The following MTURN variants were observed in gnomAD, a reference collection of about 807,000 sequenced individuals.
The protein encoded by MTURN is maturin, neural progenitor differentiation regulator homolog.
Under a neutral mutation model 14.9 loss-of-function variants are expected in MTURN, and 7 were observed. The observed-to-expected ratio is 0.47, with a 90% CI of 0.27 to 0.88. The LOEUF (loss-of-function observed/expected upper bound fraction) is 0.88. Ranked by LOEUF, MTURN falls within the 40% of genes least tolerant of loss-of-function variation. The pLI is 0.14. For missense variants in MTURN, 151 were observed against 174.1 expected, an observed-to-expected ratio of 0.87 and a Z score of 0.75; for synonymous variants, 69 against 72.5, an observed-to-expected ratio of 0.95 and a Z score of 0.25.
intron 1 of MTURN, chr7:30,137,132 GA>G (rs1299779028): frequency 6.4e-6 from 1 of 155,128 alleles, no homozygotes; most frequent in Non-Finnish European, 1.4e-5. Context: ...AAGCCCCCAG[GA>G]TACAGTGGAA....
chr7:30,153,038 T>C (rs1256315035), intron 2 of MTURN, among the ~76,000 whole-genome samples: 1 of 152,122 alleles, frequency 6.6e-6, no homozygotes, highest in Non-Finnish European at 1.5e-5. Context: ...TTCACTGAAA[T>C]AGGAATAAAT....
At chr7:30,146,066 C>T (rs1046560465) in intron 1 of MTURN, 111 bp from the exon 2 acceptor site, 4 of 1,597,380 alleles carry the variant, frequency 2.5e-6, no homozygotes, top group Non-Finnish European at 2.6e-6. Context: ...GAATGGAGGC[C>T]TTCTTCAAAT....
rs10567268 is a variant in MTURN at position 30,162,494 on chromosome 7, GT to G, written c.*4961del. On this transcript the variant is annotated 3_prime_UTR_variant, in exon 3 of 3. Coordinates refer to ENST00000324453, the MANE Select transcript of MTURN (RefSeq NM_152793.3). ...GTTGGGTTTTTGTTTTTTGGTTGTT[GT>G]TTTTTTTTTTTTTTAGGCAAGAAGT... 2.4e-3 allele frequency: 335 copies of G among 139,560 alleles called. No individual in the cohort carries two copies. The highest frequency in any genetic ancestry group is 0.013 in the East Asian group (61 of 4,634). 8.6% of individuals were successfully genotyped at this position (139,560 alleles called of 1,614,324 possible).
intron 1 of MTURN, among the ~76,000 whole-genome samples, chr7:30,136,120 C>T (rs766652514): frequency 2.4e-4 from 1 of 4,230 alleles, no homozygotes; most frequent in Non-Finnish European, 4.1e-4. Flanking sequence ...TCTCTCCAGC[C>T]GAGGCGGTGC....
chr7:30,162,085 C>A lies in MTURN; in HGVS notation c.*4537C>A, dbSNP rs1184995457. 1 of 151,622 alleles carries A rather than the reference C, an allele frequency of 6.6e-6. No individual in the cohort carries two copies. Among genetic ancestry groups the A allele is most frequent in the South Asian group, 2.1e-4 (1 of 4,782 alleles). The allele number at this position is 151,622 out of a possible 1,614,324, so 9.4% of individuals were successfully genotyped here. A position where few individuals can be genotyped will look rare whatever the true frequency, so the allele number is the denominator to read the frequency against. On this transcript the variant is annotated 3_prime_UTR_variant, in exon 3 of 3. Transcript: ENST00000324453. ...CCCATGAGCATTTCATGTTAGAAAC[C>A]CCATTTAAAGCACTATAAGGCTGAA... is the stretch of plus-strand genomic sequence containing the variant.
At chr7:30,145,936 C>A in intron 1 of MTURN, 1 of 1,551,724 alleles carries the variant, frequency 6.4e-7, no homozygotes. Flanking sequence ...AGGAGCAGAT[C>A]TGATGATGAA....
At chr7:30,147,990 T>A (rs1797153130) in intron 2 of MTURN, among the ~76,000 whole-genome samples, 1 of 152,244 alleles carries the variant, frequency 6.6e-6, no homozygotes, top group Admixed American at 6.5e-5. Flanking sequence ...TTCCTGGCAC[T>A]GGAACTAAAG....
At chr7:30,137,790 A>G in intron 1 of MTURN, 2 of 397,092 alleles carry the variant, frequency 5.0e-6, no homozygotes, top group Non-Finnish European at 1.1e-5. Flanking sequence ...AAAGTGTGAG[A>G]TCAATGGAAT....
intron 2 of MTURN, among the ~76,000 whole-genome samples, chr7:30,152,943 G>A (rs1797233815): frequency 6.6e-6 from 1 of 152,096 alleles, no homozygotes; most frequent in African/African-American, 2.4e-5. Flanking sequence ...CTCACAGGAA[G>A]CTTTGTGGAC....
intron 1 of MTURN, 52 bp from the exon 2 acceptor site, chr7:30,146,125 T>C: frequency 6.2e-7 from 1 of 1,611,612 alleles, no homozygotes; most frequent in Non-Finnish European, 8.5e-7. Flanking sequence ...TCACACTGAG[T>C]GTAGTGACTG....
chr7:30,136,174 A>G (rs1315063936), intron 1 of MTURN, among the ~76,000 whole-genome samples: 2 of 152,204 alleles, frequency 1.3e-5, no homozygotes, highest in Admixed American at 1.3e-4. Flanking sequence ...ATGACGGGGA[A>G]TCCCCTCAGC....
At chr7:30,142,874 C>G (rs1434663370) in intron 1 of MTURN, among the ~76,000 whole-genome samples, 4 of 152,220 alleles carry the variant, frequency 2.6e-5, no homozygotes, top group Non-Finnish European at 5.9e-5. Context: ...TTGCATTGTT[C>G]AGCGCTAGAG....
chr7:30,137,561 A>G (rs1796983809), intron 1 of MTURN: 1 of 469,530 alleles, frequency 2.1e-6, no homozygotes, highest in Non-Finnish European at 4.4e-6. Flanking sequence ...ATAGATAGAA[A>G]GATAGAGGAT....
chr7:30,139,558 T>G (rs1313853666), intron 1 of MTURN, among the ~76,000 whole-genome samples: 3 of 152,114 alleles, frequency 2.0e-5, no homozygotes, highest in Non-Finnish European at 4.4e-5. Context: ...TCCCACTTTA[T>G]AGGCAAAGAA....
In MTURN at chr7:30,135,256, C is replaced by T. The variant is rs1387599942; in HGVS notation, c.120C>T (p.Ser40=). Residue 40 remains serine (S), a synonymous_variant, in exon 1 of 3, where the codon TCC becomes TCT. Transcript: ENST00000324453. The part of the protein sequence containing the change: ...RMDFYADPGV[S]FYVLCPDNGC... The stretch of plus-strand genomic sequence containing the variant: ...ATTTCTACGCCGACCCCGGCGTCTC[C>T]TTCTATGTGCTGTGTCCGGACAACG... 6.6e-7 allele frequency: 1 copy of T among 1,523,320 alleles called. No individual in the cohort carries two copies. Among genetic ancestry groups the T allele is most frequent in the Admixed American group, 2.0e-5 (1 of 49,204 alleles). 94.4% of individuals were successfully genotyped at this position (1,523,320 alleles called of 1,614,324 possible). A position where few individuals can be genotyped will look rare whatever the true frequency, so the allele number is the denominator to read the frequency against.
At position 30,135,046 on chromosome 7, in the gene MTURN, A is replaced by T. The variant is rs111931501; in HGVS notation, c.-91A>T. 2.8e-6 allele frequency: 3 copies of T among 1,089,120 alleles called. No homozygotes were observed. Among genetic ancestry groups the T allele is most frequent in the Admixed American group, 5.2e-5 (1 of 19,308 alleles). The allele number at this position is 1,089,120 out of a possible 1,614,324, so 67.5% of individuals were successfully genotyped here. Reference sequence around the variant, plus strand: ...AGCCCGGCCCCGGAGGAGCCCGCGCAGGCCGAGCCGAGCGCCGCGCTGCCC... The same window carrying T: ...AGCCCGGCCCCGGAGGAGCCCGCGCTGGCCGAGCCGAGCGCCGCGCTGCCC... On this transcript the variant is annotated 5_prime_UTR_variant, in exon 1 of 3. Coordinates refer to ENST00000324453, the MANE Select transcript of MTURN (RefSeq NM_152793.3).
At chr7:30,135,410 C>T in intron 1 of MTURN, 112 bp downstream of exon 1, 1 of 930,238 alleles carries the variant, frequency 1.1e-6, no homozygotes, top group Non-Finnish European at 1.4e-6. Context: ...AGTGGGGGGC[C>T]GTAACCCGCG....
At chr7:30,140,974 C>T (rs10231501) in intron 1 of MTURN, 110,849 of 152,100 alleles carry the variant, frequency 0.73, 41,411 homozygotes, top group East Asian at 0.94. Context: ...TGAAAGGGTG[C>T]ACACTCCTCC....
intron 2 of MTURN, 53 bp from the exon 3 acceptor site, chr7:30,157,385 C>T: frequency 6.8e-7 from 1 of 1,471,120 alleles, no homozygotes; most frequent in Non-Finnish European, 9.1e-7. Context: ...TGTCTTCCTG[C>T]CTGTGGGCCA....
Sources: gnomAD v4.1 joint callset for allele counts (sites outside exome capture counted in the v4.1 genomes callset) on GRCh38, gnomAD v4.1.1 for gene constraint, MANE v1.5 for transcripts, NCBI Gene and HGNC (gene_info 2026-07-23, HGNC 2026-07-21) for gene names.